The following CCNY variants were observed in gnomAD, a reference collection of about 807,000 sequenced individuals.
CCNY encodes the protein cyclin-Y.
Under a neutral mutation model 42.8 loss-of-function variants are expected in CCNY, and 19 were observed. The ratio of observed to expected loss-of-function variants is 0.44; its 90% CI spans 0.31 to 0.65. CCNY has a LOEUF of 0.65. CCNY is among the 30% of genes least tolerant of loss of function. CCNY has a pLI of 0.07. For missense variants in CCNY, 370 were observed against 437.3 expected, an observed-to-expected ratio of 0.85 and a Z score of 1.37; for synonymous variants, 165 against 162.7, an observed-to-expected ratio of 1.01 and a Z score of -0.11.
intron 8 of CCNY, among the ~76,000 whole-genome samples, chr10:35,556,698 A>G (rs1342972930): frequency 1.3e-5 from 2 of 152,152 alleles, no homozygotes; most frequent in Non-Finnish European, 2.9e-5. Context: ...AGGAATTTAC[A>G]GTTCCTGATT....
At chr10:35,500,658 G>A (rs533767405) in intron 2 of CCNY, among the ~76,000 whole-genome samples, 3 of 152,306 alleles carry the variant, frequency 2.0e-5, no homozygotes, top group African/African-American at 7.2e-5. Flanking sequence ...GGATTCATCT[G>A]TACCCACAAA....
rs150513622 is a variant in CCNY at position 35,533,947 on chromosome 10, A to T, written c.579+3704A>T. 1.8e-4 allele frequency among the ~76,000 whole-genome samples: 27 copies of T among 152,198 alleles called. 1 individual carries two copies. The East Asian group carries it at 4.6e-3, about 26-fold the overall frequency. On this transcript the variant is annotated intron_variant, in intron 7 of 9. Coordinates refer to ENST00000374704, the MANE Select transcript of CCNY (RefSeq NM_145012.6). ...GTGGTGATGTGCCTGAAACATAAGG[A>T]TCATTTAATACCTATTTATTATCTT...
intron 1 of CCNY, among the ~76,000 whole-genome samples, chr10:35,481,991 T>C (rs1352077892): frequency 1.3e-5 from 2 of 152,218 alleles, no homozygotes; most frequent in Non-Finnish European, 2.9e-5. Context: ...ACAGAAGTTA[T>C]ATAATACAAG....
intron 1 of CCNY, among the ~76,000 whole-genome samples, chr10:35,430,409 G>A (rs1358489320): frequency 6.7e-6 from 1 of 148,658 alleles, no homozygotes; most frequent in Non-Finnish European, 1.5e-5. Flanking sequence ...TTCGTCCATA[G>A]TTAATTTCAT....
At chr10:35,512,298 G>A (rs1450823698) in intron 3 of CCNY, among the ~76,000 whole-genome samples, 1 of 152,136 alleles carries the variant, frequency 6.6e-6, no homozygotes, top group African/African-American at 2.4e-5. Context: ...AGAGAAGTTG[G>A]GGCCAGAAAG....
chr10:35,361,656 T>A (rs1818100596), intron 1 of CCNY, among the ~76,000 whole-genome samples: 1 of 152,262 alleles, frequency 6.6e-6, no homozygotes, highest in Non-Finnish European at 1.5e-5. Flanking sequence ...ATCGGCATTC[T>A]GCTCACTGTC....
chr10:35,335,200 C>T (rs1835998239), upstream of CCNY, among the ~76,000 whole-genome samples: 1 of 151,918 alleles, frequency 6.6e-6, no homozygotes. Flanking sequence ...GCATTGTGGG[C>T]GTCGGGAGGG....
intron 2 of CCNY, among the ~76,000 whole-genome samples, chr10:35,498,031 G>A (rs1840037229): frequency 1.3e-5 from 2 of 152,158 alleles, no homozygotes; most frequent in South Asian, 4.1e-4. Flanking sequence ...ACTTATTACA[G>A]TGCAAGCACA....
chr10:35,389,632 T>G (rs1389693523), intron 1 of CCNY, among the ~76,000 whole-genome samples: 1 of 151,782 alleles, frequency 6.6e-6, no homozygotes, highest in East Asian at 1.9e-4. Flanking sequence ...TAGAGATGGG[T>G]TTTACTGTGT....
At chr10:35,426,109 GCGCA>G (rs1163996865) in intron 1 of CCNY, among the ~76,000 whole-genome samples, 18,034 of 111,486 alleles carry the variant, frequency 0.16, 1,824 homozygotes, top group East Asian at 0.3. Context: ...GGTCCAGCAC[GCGCA>G]CACACACACA....
intron 1 of CCNY, among the ~76,000 whole-genome samples, chr10:35,401,739 G>C (rs1388884640): frequency 6.6e-6 from 1 of 152,096 alleles, no homozygotes; most frequent in Non-Finnish European, 1.5e-5. Context: ...TAGGTTTTGG[G>C]ATAGACGATG....
intron 7 of CCNY, among the ~76,000 whole-genome samples, chr10:35,541,392 G>A (rs116738603): frequency 3.8e-4 from 58 of 152,162 alleles, no homozygotes; most frequent in African/African-American, 1.3e-3. Flanking sequence ...AACTGATACT[G>A]GTTATTATTA....
intron 7 of CCNY, among the ~76,000 whole-genome samples, chr10:35,545,752 G>T (rs959938459): frequency 2.0e-5 from 3 of 152,096 alleles, no homozygotes; most frequent in Non-Finnish European, 4.4e-5. Context: ...TACCAGCAAG[G>T]AGGTTATTGC....
chr10:35,427,873 T>C (rs1334714721), intron 1 of CCNY, among the ~76,000 whole-genome samples: 1 of 151,996 alleles, frequency 6.6e-6, no homozygotes, highest in Non-Finnish European at 1.5e-5. Flanking sequence ...CCCCTCAAGT[T>C]CTGTTCTGGA....
intron 3 of CCNY, among the ~76,000 whole-genome samples, chr10:35,509,448 G>GT (rs1434805179): frequency 6.6e-6 from 1 of 151,966 alleles, no homozygotes; most frequent in African/African-American, 2.4e-5. Context: ...GCTAATTTTT[G>GT]TATTTTTAAT....
chr10:35,362,460 G>A (rs1836706692), intron 1 of CCNY, among the ~76,000 whole-genome samples: 1 of 152,126 alleles, frequency 6.6e-6, no homozygotes, highest in Non-Finnish European at 1.5e-5. Flanking sequence ...ATGTATTTGG[G>A]TCTTGGCAAC....
chr10:35,332,755 C>T (rs1045984273), upstream of CCNY, among the ~76,000 whole-genome samples: 1 of 152,132 alleles, frequency 6.6e-6, no homozygotes, highest in Non-Finnish European at 1.5e-5. Context: ...TAGGCGCCCA[C>T]CACCACGCCT....
chr10:35,297,707 G>C (rs1029535404), intron 3 of CCNY, among the ~76,000 whole-genome samples: 2 of 152,046 alleles, frequency 1.3e-5, no homozygotes, highest in Non-Finnish European at 2.9e-5. Flanking sequence ...CATCCAAGCT[G>C]AGAGCCAAAT....
chr10:35,533,736 A>G (rs532211278), intron 7 of CCNY, among the ~76,000 whole-genome samples: 133 of 152,308 alleles, frequency 8.7e-4, no homozygotes, highest in African/African-American at 3.0e-3. Context: ...TTTAGGTTGA[A>G]GTCATTAATT....
Sources: allele counts gnomAD v4.1 joint callset (sites outside exome capture counted in the v4.1 genomes callset), GRCh38; gene constraint gnomAD v4.1.1; transcripts MANE v1.5; gene names NCBI Gene and HGNC (gene_info 2026-07-23, HGNC 2026-07-21).